FAM120C: variants seen among roughly 807,000 people sequenced by gnomAD.
FAM120C encodes family with sequence similarity 120 member C.
In FAM120C, 14 loss-of-function variants were observed where a neutral mutation model predicts 71.2. The observed-to-expected ratio is 0.20, with a 90% CI of 0.13 to 0.31. The LOEUF (loss-of-function observed/expected upper bound fraction) is 0.31. Ranked by LOEUF, FAM120C falls within the 10% of genes least tolerant of loss-of-function variation. The pLI, the probability that FAM120C is intolerant of heterozygous loss-of-function variation, is 1.00. For synonymous variants in FAM120C, 354 were observed against 353.2 expected (o/e 1.00, Z -0.03); for missense variants, 500 against 879.0 (o/e 0.57, Z 5.45).
At chrX:54,082,792 A>G (rs1369594070) in intron 13 of FAM120C, among the ~76,000 whole-genome samples, 1 of 111,498 alleles carries the variant, frequency 9.0e-6, no homozygotes, top group Non-Finnish European at 1.9e-5. Flanking sequence ...ACTGAAAATA[A>G]TGAAACTAAA....
chrX:54,116,927 C>T (rs2066970954), intron 9 of FAM120C, 133 bp from the exon 10 acceptor site: 1 of 771,452 alleles, frequency 1.3e-6, no homozygotes, highest in Admixed American at 3.4e-5. Flanking sequence ...TTATTTTTAG[C>T]AGCAGGAATA....
rs782148753 is a variant in FAM120C at position 54,129,478 on chromosome X, CG to C, written c.2062+3213del. Among the ~76,000 whole-genome samples, 243 of 107,784 alleles carry C rather than the reference CG, an allele frequency of 2.3e-3. 3 individuals carry two copies. The highest frequency in any genetic ancestry group is 7.8e-3 in the African/African-American group (231 of 29,538). The allele number at this position is 107,784 out of a possible 115,157, so 93.6% of individuals were successfully genotyped here. A position where few individuals can be genotyped will look rare whatever the true frequency, so the allele number is the denominator to read the frequency against. On this transcript the variant is annotated intron_variant, in intron 9 of 15. Transcript: ENST00000375180. The stretch of plus-strand genomic sequence containing the variant: ...AGATGGGATGGTGGCCGGGAAGAGG[CG>C]CTCCTCACTTCCTAGATCGGATGGA...
chrX:54,107,847 G>C (rs1393024735), intron 10 of FAM120C, among the ~76,000 whole-genome samples: 16 of 98,669 alleles, frequency 1.6e-4, no homozygotes. Context: ...GGAAAACTTT[G>C]TAAGTCACTA....
At chrX:54,077,918 A>G (rs1557120819) in intron 15 of FAM120C, among the ~76,000 whole-genome samples, 1 of 102,786 alleles carries the variant, frequency 9.7e-6, no homozygotes, top group Admixed American at 1.1e-4. Flanking sequence ...GTATTCACTA[A>G]GAGATCCAAT....
intron 10 of FAM120C, 151 bp downstream of exon 10, chrX:54,116,394 T>G (rs2066968138): frequency 1.7e-6 from 1 of 578,914 alleles, no homozygotes; most frequent in African/African-American, 2.3e-5. Context: ...GAGGAGGCTG[T>G]CTGAACAATC....
rs1603351568 is a variant in FAM120C at position 54,079,595 on chromosome X, C to T, written c.3036+637G>A. Among the ~76,000 whole-genome samples, 5 of 111,802 alleles carry T rather than the reference C, an allele frequency of 4.5e-5. No homozygotes were observed. In the South Asian group the frequency reaches 1.5e-3, roughly 33 times the overall value. On this transcript the variant is annotated intron_variant, in intron 15 of 15. Transcript: ENST00000375180. ...AGTGGATTGCCTGAGGTCGGGAGTT[C>T]GAGAGCAGCCTGACTAACATGGAGA...
chrX:54,160,606 G>A (rs1453232729), intron 1 of FAM120C, among the ~76,000 whole-genome samples: 5 of 111,333 alleles, frequency 4.5e-5, no homozygotes, highest in African/African-American at 1.3e-4. Flanking sequence ...TCTGTATACC[G>A]GCTCCACCAA....
intron 1 of FAM120C, among the ~76,000 whole-genome samples, chrX:54,162,604 T>A (rs1188839990): frequency 8.9e-6 from 1 of 111,933 alleles, no homozygotes; most frequent in Non-Finnish European, 1.9e-5. Context: ...GTGAGATTGT[T>A]AAAAACAAAA....
At chrX:54,128,820 G>A (rs1420007360) in intron 9 of FAM120C, among the ~76,000 whole-genome samples, 1 of 111,810 alleles carries the variant, frequency 8.9e-6, no homozygotes, top group Non-Finnish European at 1.9e-5. Flanking sequence ...TCCCAAGGCA[G>A]AAGGATTTTT....
intron 10 of FAM120C, 142 bp from the exon 11 acceptor site, chrX:54,091,568 G>A (rs2066824488): frequency 4.8e-6 from 2 of 419,987 alleles, no homozygotes; most frequent in Non-Finnish European, 8.3e-6. Flanking sequence ...AAGAATCTCT[G>A]CTTTCATTAC....
chrX:54,183,218 G>A lies in FAM120C; in HGVS notation c.-20C>T. The A allele has an allele frequency of 2.8e-6, 3 of 1,058,730 alleles. No individual in the cohort carries two copies. The highest frequency in any genetic ancestry group is 3.7e-6 in the Non-Finnish European group (3 of 818,570). The allele number at this position is 1,058,730 out of a possible 1,213,427, so 87.3% of individuals were successfully genotyped here. ...ACCCATGCTTCGTCGGTGGGCAGAC[G>A]CGATAGCGGCTGCGCAAGCAGGATA... is the stretch of plus-strand genomic sequence containing the variant. On this transcript the variant is annotated 5_prime_UTR_variant, in exon 1 of 16. Coordinates refer to ENST00000375180, the MANE Select transcript of FAM120C (RefSeq NM_017848.6).
chrX:54,117,386 A>C (rs1232228238), intron 9 of FAM120C, among the ~76,000 whole-genome samples: 15 of 102,032 alleles, frequency 1.5e-4, no homozygotes, highest in African/African-American at 5.0e-4. Context: ...AAATAAAATA[A>C]AATAAAATAA....
chrX:54,148,668 A>G (rs1052783244), intron 4 of FAM120C, among the ~76,000 whole-genome samples: 1 of 111,792 alleles, frequency 8.9e-6, no homozygotes, highest in African/African-American at 3.2e-5. Context: ...AATGTTCATC[A>G]TTAGTCACTT....
intron 10 of FAM120C, among the ~76,000 whole-genome samples, chrX:54,114,890 A>G (rs1210303822): frequency 2.7e-5 from 3 of 110,042 alleles, no homozygotes; most frequent in Admixed American, 9.9e-5. Flanking sequence ...TGGGATTACA[A>G]GCACCCACCA....
At chrX:54,102,970 G>A (rs782125932) in intron 10 of FAM120C, among the ~76,000 whole-genome samples, 2 of 110,359 alleles carry the variant, frequency 1.8e-5, no homozygotes, top group East Asian at 2.8e-4. Flanking sequence ...TGCCTGCCTC[G>A]GCCTCCCAAA....
intron 1 of FAM120C, among the ~76,000 whole-genome samples, chrX:54,178,857 G>A (rs183277881): frequency 1.6e-3 from 175 of 111,768 alleles, no homozygotes; most frequent in African/African-American, 5.2e-3. Context: ...CCATATCCAC[G>A]TACTGCAACT....
intron 10 of FAM120C, among the ~76,000 whole-genome samples, chrX:54,115,912 T>G (rs1312958825): frequency 9.0e-6 from 1 of 110,794 alleles, no homozygotes; most frequent in African/African-American, 3.3e-5. Context: ...TGAAACCCCA[T>G]CTCTACTAAA....
intron 4 of FAM120C, among the ~76,000 whole-genome samples, chrX:54,149,365 C>T (rs1176166883): frequency 1.8e-5 from 2 of 111,629 alleles, no homozygotes; most frequent in Non-Finnish European, 3.8e-5. Context: ...GGGCCGGACG[C>T]GGTAGCTCAC....
At chrX:54,172,894 T>C (rs782790257) in intron 1 of FAM120C, among the ~76,000 whole-genome samples, 51 of 112,493 alleles carry the variant, frequency 4.5e-4, no homozygotes, top group African/African-American at 1.6e-3. Flanking sequence ...TATAGCTATG[T>C]GGATGGAGTT....
Sources: allele counts gnomAD v4.1 joint callset (sites outside exome capture counted in the v4.1 genomes callset), GRCh38; gene constraint gnomAD v4.1.1; transcripts MANE v1.5; gene names NCBI Gene and HGNC (gene_info 2026-07-23, HGNC 2026-07-21).